SGCZ: variants seen among roughly 807,000 people sequenced by gnomAD.
SGCZ encodes the protein zeta-sarcoglycan.
A neutral mutation model predicts 41.3 loss-of-function variants in SGCZ; 40 were observed. That is an observed-to-expected ratio of 0.97 (90% CI 0.75 to 1.26). SGCZ has a LOEUF of 1.26. Ranked by LOEUF, SGCZ falls within the 50% of genes most tolerant of loss-of-function variation. The pLI is 0.00. For missense variants in SGCZ, 552 were observed against 369.8 expected, an observed-to-expected ratio of 1.49 and a Z score of -4.04; for synonymous variants, 206 against 137.5, an observed-to-expected ratio of 1.50 and a Z score of -3.49.
chr8:14,622,623 G>C (rs1288913820), intron 1 of SGCZ, among the ~76,000 whole-genome samples: 1 of 152,100 alleles, frequency 6.6e-6, no homozygotes, highest in Admixed American at 6.6e-5. Flanking sequence ...TGTTTTAGAA[G>C]CCAGCTTAAA....
chr8:14,563,013 T>C (rs774565907), intron 1 of SGCZ, among the ~76,000 whole-genome samples: 2 of 152,160 alleles, frequency 1.3e-5, no homozygotes, highest in African/African-American at 2.4e-5. Context: ...AGAATATTCC[T>C]TGACCTTATA....
In SGCZ at chr8:14,554,887, T is replaced by C; in HGVS notation, c.79A>G (p.Asn27Asp). The C allele has an allele frequency of 6.2e-7, 1 of 1,612,996 alleles. No individual in the cohort carries two copies. Among genetic ancestry groups the C allele is most frequent in the Non-Finnish European group, 8.5e-7 (1 of 1,179,416 alleles). Residue 27 changes from asparagine (N) to aspartate (D), a missense_variant, in exon 2 of 8, where the codon AAC becomes GAC. Physicochemically the swap from Asn to Asp is conservative, Grantham distance 23. Coordinates refer to ENST00000382080, the MANE Select transcript of SGCZ (RefSeq NM_139167.4). ...EQYILATQQN[N>D]LPRTENAQLY... The stretch of plus-strand genomic sequence containing the variant: ...TGTGCATTCTCAGTCCTTGGCAGGT[T>C]ATTCTGTTGGGTTGCTAGTATGTAT...
intron 7 of SGCZ, among the ~76,000 whole-genome samples, chr8:14,098,125 G>A (rs1478040): frequency 0.98 from 149,346 of 152,252 alleles, 73,299 homozygotes; most frequent in Non-Finnish European, 1. Context: ...TAGTTATTCA[G>A]TAAATGAATA....
Position 14,967,042 on chromosome 8 carries a change from A to C in SGCZ, c.39+270543T>G, listed in dbSNP as rs547292940. Among the ~76,000 whole-genome samples, 6 of 152,268 alleles carry C rather than the reference A, an allele frequency of 3.9e-5. No homozygotes were observed. In the East Asian group the frequency reaches 9.6e-4, roughly 24 times the overall value. On this transcript the variant is annotated intron_variant, in intron 1 of 7. Coordinates refer to ENST00000382080, the MANE Select transcript of SGCZ (RefSeq NM_139167.4). ...ATGTATGCCAGGCACTGTGTTAAGC[A>C]CCAGAAATACAAAGATTAAGTCACT...
At chr8:14,977,604 T>G (rs563276928) in intron 1 of SGCZ, among the ~76,000 whole-genome samples, 1 of 152,078 alleles carries the variant, frequency 6.6e-6, no homozygotes, top group Admixed American at 6.5e-5. Context: ...CATTTACATT[T>G]AGAATACAGG....
rs181273578 is a variant in SGCZ at position 14,207,902 on chromosome 8, C to T, written c.424+29690G>A. On this transcript the variant is annotated intron_variant, in intron 4 of 7. Coordinates refer to ENST00000382080, the MANE Select transcript of SGCZ (RefSeq NM_139167.4). ...ATCATATGGCTACTGGAAGTGCAAA[C>T]TGGCTGGTGGTTGTGATGAGCATGG... Among the ~76,000 whole-genome samples, 228 of 152,200 alleles carry T rather than the reference C, an allele frequency of 1.5e-3. 1 individual carries two copies. The highest frequency in any genetic ancestry group is 0.01 in the Middle Eastern group (3 of 292).
intron 2 of SGCZ, among the ~76,000 whole-genome samples, chr8:14,548,201 C>G (rs527978330): frequency 6.6e-6 from 1 of 152,224 alleles, no homozygotes; most frequent in African/African-American, 2.4e-5. Context: ...GGTAATAGAG[C>G]TAATAAATGA....
chr8:14,490,036 G>A (rs1801798918), intron 2 of SGCZ, among the ~76,000 whole-genome samples: 1 of 151,660 alleles, frequency 6.6e-6, no homozygotes, highest in Middle Eastern at 3.2e-3. Flanking sequence ...CCCAGCTAAT[G>A]TTTGTCTTTT....
At chr8:14,316,868 A>C (rs1295402673) in intron 3 of SGCZ, among the ~76,000 whole-genome samples, 1 of 149,938 alleles carries the variant, frequency 6.7e-6, no homozygotes, top group East Asian at 2.0e-4. Context: ...CTGCACTTCC[A>C]ACATGAAATC....
intron 4 of SGCZ, among the ~76,000 whole-genome samples, chr8:14,227,192 C>G (rs111386247): frequency 0.051 from 7,702 of 152,114 alleles, 274 homozygotes; most frequent in East Asian, 0.12. Context: ...GCAGGCTGGT[C>G]TCTGAATTAC....
At chr8:14,155,721 T>A (rs1385468062) in intron 5 of SGCZ, among the ~76,000 whole-genome samples, 3 of 150,724 alleles carry the variant, frequency 2.0e-5, no homozygotes, top group Non-Finnish European at 4.4e-5. Flanking sequence ...TATATATTTA[T>A]ATATACAAAG....
chr8:15,066,853 GAA>G (rs969633025), intron 1 of SGCZ, among the ~76,000 whole-genome samples: 1 of 152,122 alleles, frequency 6.6e-6, no homozygotes, highest in Non-Finnish European at 1.5e-5. Context: ...ATTATAGTTG[GAA>G]AGCAAGAGGA....
intron 3 of SGCZ, among the ~76,000 whole-genome samples, chr8:14,322,246 T>C (rs1801946104): frequency 6.6e-6 from 1 of 152,094 alleles, no homozygotes; most frequent in African/African-American, 2.4e-5. Flanking sequence ...TGCCCATGCT[T>C]CCTAGTTATA....
intron 1 of SGCZ, among the ~76,000 whole-genome samples, chr8:14,727,591 A>G (rs1268804461): frequency 6.6e-6 from 1 of 151,630 alleles, no homozygotes; most frequent in African/African-American, 2.4e-5. Flanking sequence ...GCTCACCACA[A>G]GCTCCGCCTC....
intron 4 of SGCZ, among the ~76,000 whole-genome samples, chr8:14,167,302 A>G (rs1296073424): frequency 2.0e-5 from 3 of 152,188 alleles, no homozygotes; most frequent in African/African-American, 4.8e-5. Flanking sequence ...AGTTACTTAG[A>G]GAAGCAACAA....
intron 1 of SGCZ, among the ~76,000 whole-genome samples, chr8:15,031,757 C>T (rs1803670799): frequency 6.6e-6 from 1 of 152,106 alleles, no homozygotes. Context: ...AGTAATATTA[C>T]ATATTTAAAT....
At position 14,112,281 on chromosome 8, in the gene SGCZ, TG is replaced by T. The variant is rs1392034186; in HGVS notation, c.548-4047del. On this transcript the variant is annotated intron_variant, in intron 5 of 7. Transcript: ENST00000382080. ...CATGAATTTTTTGAGTTTTTTTTTTTGTGGGGGGGGGGTGCAAAGAAGGGAA... is the reference window on the plus strand; with the variant it reads ...CATGAATTTTTTGAGTTTTTTTTTTTTGGGGGGGGGGTGCAAAGAAGGGAA... 8.5e-3 allele frequency among the ~76,000 whole-genome samples: 780 copies of T among 91,854 alleles called. 5 individuals are homozygous for T. The highest frequency in any genetic ancestry group is 0.011 in the African/African-American group (276 of 24,088). The allele number at this position is 91,854 out of a possible 152,430, so 60.3% of individuals were successfully genotyped here. A position where few individuals can be genotyped will look rare whatever the true frequency, so the allele number is the denominator to read the frequency against.
intron 1 of SGCZ, among the ~76,000 whole-genome samples, chr8:15,058,015 T>G (rs1418111475): frequency 2.0e-5 from 3 of 152,116 alleles, no homozygotes; most frequent in African/African-American, 7.2e-5. Context: ...CAACACAGAT[T>G]CAAGGAGTCA....
At chr8:14,937,547 G>A (rs1800124703) in intron 1 of SGCZ, among the ~76,000 whole-genome samples, 1 of 151,930 alleles carries the variant, frequency 6.6e-6, no homozygotes, top group Admixed American at 6.6e-5. Context: ...ATCAGCCAAG[G>A]AAGAAAAATT....
Sources: gnomAD v4.1 joint callset for allele counts (sites outside exome capture counted in the v4.1 genomes callset) on GRCh38, gnomAD v4.1.1 for gene constraint, MANE v1.5 for transcripts, NCBI Gene and HGNC (gene_info 2026-07-23, HGNC 2026-07-21) for gene names.